Variants in FBXO15 observed in about 807,000 individuals in gnomAD.
The protein encoded by FBXO15 is F-box only protein 15.
A neutral mutation model predicts 49.5 loss-of-function variants in FBXO15; 30 were observed. That is an observed-to-expected ratio of 0.61 (90% CI 0.45 to 0.82). The LOEUF (loss-of-function observed/expected upper bound fraction) is 0.82, where lower values mean the gene tolerates loss of function less well. Ranked by LOEUF, FBXO15 falls within the 40% of genes least tolerant of loss-of-function variation. The pLI is 0.00. For missense variants in FBXO15, 591 were observed against 631.5 expected (o/e 0.94, Z 0.69); for synonymous variants, 250 against 232.7 (o/e 1.07, Z -0.68).
At chr18:74,076,712 A>G (rs1912271183) in intron 9 of FBXO15, among the ~76,000 whole-genome samples, 1 of 152,182 alleles carries the variant, frequency 6.6e-6, no homozygotes, top group Admixed American at 6.5e-5. Context: ...GAGTCTGAGC[A>G]TATCACCCTG....
intron 8 of FBXO15, among the ~76,000 whole-genome samples, chr18:74,107,202 A>G (rs1009431867): frequency 7.1e-6 from 1 of 141,770 alleles, no homozygotes; most frequent in South Asian, 2.1e-4. Flanking sequence ...GTAAAAAAAA[A>G]AAAAACAACA....
intron 8 of FBXO15, among the ~76,000 whole-genome samples, chr18:74,119,838 C>T (rs1943934): frequency 0.18 from 26,844 of 152,012 alleles, 2,667 homozygotes; most frequent in East Asian, 0.27. Context: ...GGCTCTGTAA[C>T]GGTTCACAAG....
chr18:74,135,716 A>G (rs769050268), intron 3 of FBXO15, 46 bp downstream of exon 3: 27 of 1,473,866 alleles, frequency 1.8e-5, no homozygotes, highest in Non-Finnish European at 2.5e-5. Flanking sequence ...CCTGACTTCC[A>G]TCAAACTGTC....
intron 8 of FBXO15, among the ~76,000 whole-genome samples, chr18:74,084,082 G>C (rs931648951): frequency 6.6e-6 from 1 of 152,212 alleles, no homozygotes; most frequent in Non-Finnish European, 1.5e-5. Flanking sequence ...TGTTACAATA[G>C]AGTAAGAAAT....
intron 8 of FBXO15, among the ~76,000 whole-genome samples, chr18:74,093,894 A>G (rs957093642): frequency 4.6e-5 from 7 of 152,238 alleles, no homozygotes; most frequent in Non-Finnish European, 8.8e-5. Context: ...CAAATGAATC[A>G]CCATCTCTGG....
At chr18:74,082,523 C>A (rs1054591472) in intron 8 of FBXO15, among the ~76,000 whole-genome samples, 1 of 152,220 alleles carries the variant, frequency 6.6e-6, no homozygotes, top group African/African-American at 2.4e-5. Flanking sequence ...CACCTCTGCA[C>A]ATGCTTGTAA....
At chr18:74,145,180 T>C (rs957730219) in intron 1 of FBXO15, among the ~76,000 whole-genome samples, 4 of 152,224 alleles carry the variant, frequency 2.6e-5, no homozygotes, top group South Asian at 2.1e-4. Flanking sequence ...AGGGCTTAGT[T>C]AGTTCAATTC....
At chr18:74,128,169 A>C (rs1978297106) in intron 5 of FBXO15, among the ~76,000 whole-genome samples, 1 of 152,182 alleles carries the variant, frequency 6.6e-6, no homozygotes, top group Non-Finnish European at 1.5e-5. Context: ...CATAACATTA[A>C]GAATATTTTT....
intron 2 of FBXO15, among the ~76,000 whole-genome samples, chr18:74,137,715 G>A (rs1233371808): frequency 2.0e-5 from 3 of 152,162 alleles, no homozygotes; most frequent in Non-Finnish European, 4.4e-5. Context: ...CTTTGTGTGG[G>A]GTAAGGAGAC....
rs1190603977 is a variant in FBXO15 at position 74,078,329 on chromosome 18, G to GC, written c.1263+3597dup. 4.7e-3 allele frequency among the ~76,000 whole-genome samples: 670 copies of GC among 142,720 alleles called. 4 individuals carry two copies. The highest frequency in any genetic ancestry group is 7.9e-3 in the African/African-American group (292 of 36,952). 93.6% of individuals were successfully genotyped at this position (142,720 alleles called of 152,430 possible). ...CAAATTCTTTCCTGAGGGTTTCAAG[G>GC]CCCCCCCCCGACCTGCCCCAGCAGC... On this transcript the variant is annotated intron_variant, in intron 9 of 9. Coordinates refer to ENST00000419743, the MANE Select transcript of FBXO15 (RefSeq NM_001142958.2).
rs934002941 is a variant in FBXO15, at chr18:74,075,464, A to C, written c.1264-1734T>G. ...TTTTAGTCTTTAACACATTCAAGTA[A>C]CTCCCATCTTAGAGAGGCAGAGAGA... On this transcript the variant is annotated intron_variant, in intron 9 of 9. Transcript: ENST00000419743. The surrounding 1 kb of genome is among the most constrained non-coding windows in gnomAD (Gnocchi z 4.1). Among the ~76,000 whole-genome samples, 1 of 151,918 alleles carries C rather than the reference A, an allele frequency of 6.6e-6. No homozygotes were observed. Among genetic ancestry groups the C allele is most frequent in the African/African-American group, 2.4e-5 (1 of 41,346 alleles).
intron 8 of FBXO15, among the ~76,000 whole-genome samples, chr18:74,112,018 A>G (rs1914052957): frequency 1.3e-5 from 2 of 152,226 alleles, no homozygotes; most frequent in African/African-American, 2.4e-5. Context: ...ACAGGCCTAT[A>G]GCTATTAAAG....
At chr18:74,084,422 G>GCCCTGCTGC (rs1912640655) in intron 8 of FBXO15, among the ~76,000 whole-genome samples, 1 of 152,250 alleles carries the variant, frequency 6.6e-6, no homozygotes, top group African/African-American at 2.4e-5. Flanking sequence ...CAGAGGCAGT[G>GCCCTGCTGC]GCAGGGGCCT....
chr18:74,078,548 CT>C (rs1206208838), intron 9 of FBXO15: 1 of 152,684 alleles, frequency 6.5e-6, no homozygotes, highest in East Asian at 1.9e-4. Flanking sequence ...CGAAGCATCT[CT>C]TTCTCCACTG....
chr18:74,135,694 G>C, intron 3 of FBXO15, 68 bp downstream of exon 3: 1 of 1,219,102 alleles, frequency 8.2e-7, no homozygotes, highest in Non-Finnish European at 1.2e-6. Flanking sequence ...TGGTTAAAAA[G>C]TTACTAGTTT....
At chr18:74,083,513 G>A (rs112672236) in intron 8 of FBXO15, among the ~76,000 whole-genome samples, 10 of 152,198 alleles carry the variant, frequency 6.6e-5, no homozygotes, top group African/African-American at 1.2e-4. Flanking sequence ...GGCAGCCGAC[G>A]GCGCCTACAG....
At chr18:74,091,502 C>T (rs1213263745) in intron 8 of FBXO15, among the ~76,000 whole-genome samples, 3 of 152,142 alleles carry the variant, frequency 2.0e-5, no homozygotes, top group African/African-American at 4.8e-5. Context: ...GGTCTATGTA[C>T]TTAATGTGTT....
chr18:74,093,692 C>T (rs1198592750), intron 8 of FBXO15, among the ~76,000 whole-genome samples: 3 of 152,264 alleles, frequency 2.0e-5, no homozygotes, highest in East Asian at 3.9e-4. Context: ...ATTTCCACCA[C>T]ATCTGCAGTT....
chr18:74,113,904 C>T (rs1345757016), intron 8 of FBXO15, among the ~76,000 whole-genome samples: 1 of 152,196 alleles, frequency 6.6e-6, no homozygotes, highest in African/African-American at 2.4e-5. Context: ...CACAGGGTGG[C>T]ACCATCACCT....
Sources: allele counts gnomAD v4.1 joint callset (sites outside exome capture counted in the v4.1 genomes callset), GRCh38; gene constraint gnomAD v4.1.1; non-coding constraint Gnocchi (gnomAD v3.1); transcripts MANE v1.5; gene names NCBI Gene and HGNC (gene_info 2026-07-23, HGNC 2026-07-21).